SGCZ: variants seen among roughly 807,000 people sequenced by gnomAD.
SGCZ encodes zeta-sarcoglycan.
Under a neutral mutation model 41.3 loss-of-function variants are expected in SGCZ, and 40 were observed. That is an observed-to-expected ratio of 0.97 (90% confidence interval 0.75 to 1.26). SGCZ has a LOEUF of 1.26. Ranked by LOEUF, SGCZ falls within the 50% of genes most tolerant of loss-of-function variation. The probability of loss-of-function intolerance (pLI) is 0.00; values close to 1 mark genes in which losing one functional copy is unlikely to be tolerated. For missense variants in SGCZ, 552 were observed against 369.8 expected, an observed-to-expected ratio of 1.49 and a Z score of -4.04; for synonymous variants, 206 against 137.5, an observed-to-expected ratio of 1.50 and a Z score of -3.49.
intron 4 of SGCZ, among the ~76,000 whole-genome samples, chr8:14,209,177 C>T (rs926555356): frequency 7.9e-5 from 12 of 152,196 alleles, no homozygotes; most frequent in Admixed American, 7.9e-4. Context: ...CTTCCCAGAA[C>T]GTTATGTAAA....
Position 15,143,215 on chromosome 8 carries a change from A to G in SGCZ, c.39+94370T>C, listed in dbSNP as rs117630803. On this transcript the variant is annotated intron_variant, in intron 1 of 7. Coordinates refer to ENST00000382080, the MANE Select transcript of SGCZ (RefSeq NM_139167.4). ...CATTAGATTGTCTGCTACAAACATA[A>G]TAAAAGTCTAGTTCTCCAGTAGAAT... Among the ~76,000 whole-genome samples, 668 of 152,362 alleles carry G rather than the reference A, an allele frequency of 4.4e-3. 8 individuals are homozygous for G. The Middle Eastern group carries it at 0.051, about 12-fold the overall frequency.
chr8:14,562,514 G>A (rs1037781964), intron 1 of SGCZ, among the ~76,000 whole-genome samples: 1 of 152,098 alleles, frequency 6.6e-6, no homozygotes, highest in Admixed American at 6.6e-5. Context: ...AATGGACATG[G>A]TAATATAATC....
intron 1 of SGCZ, among the ~76,000 whole-genome samples, chr8:14,922,076 C>G (rs1418608785): frequency 6.6e-6 from 1 of 152,014 alleles, no homozygotes; most frequent in African/African-American, 2.4e-5. Flanking sequence ...GAAGCCAAGC[C>G]AAGTGGTGCT....
intron 1 of SGCZ, among the ~76,000 whole-genome samples, chr8:14,802,337 T>C (rs1051563804): frequency 6.6e-6 from 1 of 152,170 alleles, no homozygotes; most frequent in Non-Finnish European, 1.5e-5. Context: ...AAATAAAACA[T>C]AAATAAAAAT....
At chr8:14,459,766 CT>C (rs148041315) in intron 2 of SGCZ, among the ~76,000 whole-genome samples, 1,843 of 152,216 alleles carry the variant, frequency 0.012, 25 homozygotes, top group East Asian at 0.079. Context: ...CTATGGTATT[CT>C]CACATCCTCA....
intron 3 of SGCZ, among the ~76,000 whole-genome samples, chr8:14,298,292 G>T (rs902776413): frequency 6.6e-6 from 1 of 151,748 alleles, no homozygotes; most frequent in Admixed American, 6.6e-5. Context: ...TTTTAGATTG[G>T]AAATAAGATA....
intron 1 of SGCZ, among the ~76,000 whole-genome samples, chr8:15,220,841 G>T (rs1008764453): frequency 6.6e-6 from 1 of 152,114 alleles, no homozygotes; most frequent in Admixed American, 6.6e-5. Flanking sequence ...CCATAAAAAA[G>T]GATGAGTTCA....
chr8:14,261,707 G>T (rs556421753), intron 3 of SGCZ, among the ~76,000 whole-genome samples: 7 of 152,240 alleles, frequency 4.6e-5, no homozygotes, highest in African/African-American at 1.7e-4. Context: ...ACAAAAGAAT[G>T]ATCAAACCAT....
At chr8:14,134,845 G>C (rs1047704542) in intron 5 of SGCZ, among the ~76,000 whole-genome samples, 20 of 137,542 alleles carry the variant, frequency 1.5e-4, no homozygotes, top group African/African-American at 4.9e-4. Flanking sequence ...TGTGAGCTCA[G>C]AATGGTTTTT....
chr8:14,230,770 G>A (rs1224017081), intron 4 of SGCZ, among the ~76,000 whole-genome samples: 3 of 150,770 alleles, frequency 2.0e-5, no homozygotes, highest in Admixed American at 6.6e-5. Context: ...TGGTGGTGGG[G>A]GGGTGGTTAC....
intron 1 of SGCZ, among the ~76,000 whole-genome samples, chr8:14,911,835 TC>T (rs984204953): frequency 6.6e-6 from 1 of 151,892 alleles, no homozygotes; most frequent in African/African-American, 2.4e-5. Context: ...ACATCTTATC[TC>T]TACATGGAAA....
At chr8:14,619,600 A>T (rs1806217939) in intron 1 of SGCZ, among the ~76,000 whole-genome samples, 1 of 152,186 alleles carries the variant, frequency 6.6e-6, no homozygotes, top group Non-Finnish European at 1.5e-5. Context: ...AAGTCTCAGG[A>T]TACAAAATCA....
At chr8:15,206,563 C>T (rs1424035583) in intron 1 of SGCZ, among the ~76,000 whole-genome samples, 2 of 151,818 alleles carry the variant, frequency 1.3e-5, no homozygotes, top group African/African-American at 4.8e-5. Flanking sequence ...AATTCTCTGC[C>T]TCAGCCTCCG....
At chr8:14,874,338 C>A (rs1197422930) in intron 1 of SGCZ, among the ~76,000 whole-genome samples, 1 of 152,150 alleles carries the variant, frequency 6.6e-6, no homozygotes, top group Non-Finnish European at 1.5e-5. Context: ...TCCAACACTT[C>A]TGTACTAAAT....
At chr8:14,494,421 G>A (rs544413481) in intron 2 of SGCZ, among the ~76,000 whole-genome samples, 9 of 152,244 alleles carry the variant, frequency 5.9e-5, no homozygotes, top group Admixed American at 5.9e-4. Flanking sequence ...TTTATGATGA[G>A]AGAAGAAGAA....
intron 1 of SGCZ, among the ~76,000 whole-genome samples, chr8:14,691,380 T>A (rs549436039): frequency 1.2e-4 from 18 of 152,046 alleles, no homozygotes; most frequent in African/African-American, 3.9e-4. Flanking sequence ...ACAAACCAAG[T>A]CAACCGATAC....
chr8:14,793,411 G>C (rs1012379667), intron 1 of SGCZ, among the ~76,000 whole-genome samples: 4 of 152,048 alleles, frequency 2.6e-5, no homozygotes, highest in African/African-American at 9.7e-5. Flanking sequence ...TATTAATTTT[G>C]CTTTCTTTCA....
intron 2 of SGCZ, among the ~76,000 whole-genome samples, chr8:14,429,048 A>T (rs564222145): frequency 6.6e-6 from 1 of 152,318 alleles, no homozygotes; most frequent in East Asian, 1.9e-4. Flanking sequence ...TGAAGAACCT[A>T]GCACGTTATA....
At chr8:15,108,406 A>G (rs1376256927) in intron 1 of SGCZ, among the ~76,000 whole-genome samples, 1 of 152,160 alleles carries the variant, frequency 6.6e-6, no homozygotes, top group Non-Finnish European at 1.5e-5. Context: ...ATATCTTTAC[A>G]CACCTGTAAT....
Sources: allele counts gnomAD v4.1 joint callset (sites outside exome capture counted in the v4.1 genomes callset), GRCh38; gene constraint gnomAD v4.1.1; transcripts MANE v1.5; gene names NCBI Gene and HGNC (gene_info 2026-07-23, HGNC 2026-07-21).